Variants in MAGI2 observed in about 807,000 individuals in gnomAD.
The protein encoded by MAGI2 is membrane associated guanylate kinase, WW and PDZ domain containing 2.
A neutral mutation model predicts 133.3 loss-of-function variants in MAGI2; 35 were observed. That is an observed-to-expected ratio of 0.26 (90% confidence interval 0.20 to 0.35). MAGI2 has a LOEUF of 0.35. Ranked by LOEUF, MAGI2 falls within the 10% of genes least tolerant of loss-of-function variation. The probability of loss-of-function intolerance (pLI) is 1.00; values close to 1 mark genes in which losing one functional copy is unlikely to be tolerated. For synonymous variants in MAGI2, 729 were observed against 710.6 expected (o/e 1.03, Z -0.41); for missense variants, 1,636 against 1,863.4 (o/e 0.88, Z 2.25).
intron 2 of MAGI2, among the ~76,000 whole-genome samples, chr7:78,894,635 G>C (rs996530003): frequency 4.6e-5 from 7 of 152,006 alleles, no homozygotes; most frequent in Non-Finnish European, 1.0e-4. Flanking sequence ...AAATCCCCAA[G>C]AAACCAGTTT....
chr7:78,381,835 C>T (rs985552257), intron 6 of MAGI2, among the ~76,000 whole-genome samples: 4 of 152,126 alleles, frequency 2.6e-5, no homozygotes, highest in African/African-American at 7.2e-5. Context: ...CCCCTCATAC[C>T]TTACTGGTGG....
At chr7:78,674,586 T>C (rs1310512523) in intron 2 of MAGI2, among the ~76,000 whole-genome samples, 1 of 152,170 alleles carries the variant, frequency 6.6e-6, no homozygotes, top group East Asian at 1.9e-4. Context: ...ATTAAATCAA[T>C]GTGAATAAGA....
intron 6 of MAGI2, among the ~76,000 whole-genome samples, chr7:78,376,841 G>T (rs1342075377): frequency 1.3e-5 from 2 of 152,116 alleles, no homozygotes; most frequent in African/African-American, 4.8e-5. Flanking sequence ...CTTAGCAAGA[G>T]TCGTCCTTGG....
intron 2 of MAGI2, among the ~76,000 whole-genome samples, chr7:78,762,027 G>C (rs1323468396): frequency 6.6e-6 from 1 of 151,512 alleles, no homozygotes; most frequent in Non-Finnish European, 1.5e-5. Flanking sequence ...AAATTATTTA[G>C]CCCAATTTTC....
intron 7 of MAGI2, chr7:78,347,058 A>G (rs1430303685): frequency 6.6e-6 from 1 of 152,196 alleles, no homozygotes; most frequent in Admixed American, 6.5e-5. Context: ...AGATCGGATT[A>G]TTTGCTCTAA....
At chr7:78,458,817 G>C (rs1276418578) in intron 6 of MAGI2, among the ~76,000 whole-genome samples, 1 of 152,096 alleles carries the variant, frequency 6.6e-6, no homozygotes, top group Non-Finnish European at 1.5e-5. Flanking sequence ...TGTATTTTTA[G>C]TAGAGACGGT....
intron 2 of MAGI2, among the ~76,000 whole-genome samples, chr7:78,772,854 G>A (rs374644994): frequency 2.0e-5 from 3 of 152,266 alleles, no homozygotes; most frequent in Non-Finnish European, 2.9e-5. Flanking sequence ...GACCTAAAAT[G>A]TTATAGGAAA....
At chr7:79,411,081 A>T (rs1846107155) in intron 1 of MAGI2, 1 of 152,114 alleles carries the variant, frequency 6.6e-6, no homozygotes, top group Non-Finnish European at 1.5e-5. Flanking sequence ...GAAATATTGC[A>T]TTCGGCCCAC....
chr7:78,468,726 G>A (rs1207763997), intron 6 of MAGI2, among the ~76,000 whole-genome samples: 1 of 152,140 alleles, frequency 6.6e-6, no homozygotes, highest in Middle Eastern at 3.2e-3. Context: ...ACAATTGGGA[G>A]GTTAAAAGCA....
chr7:78,163,011 A>T (rs956041634), intron 15 of MAGI2, among the ~76,000 whole-genome samples: 4 of 152,228 alleles, frequency 2.6e-5, no homozygotes, highest in South Asian at 2.1e-4. Context: ...GTATTATATA[A>T]TTTTTTTAAA....
At chr7:78,544,334 A>G (rs978181246) in intron 3 of MAGI2, among the ~76,000 whole-genome samples, 4 of 152,244 alleles carry the variant, frequency 2.6e-5, no homozygotes, top group Non-Finnish European at 1.5e-5. Context: ...GACAGGAGTC[A>G]AGACATTGAC....
chr7:79,229,998 T>G (rs11977709), intron 1 of MAGI2, among the ~76,000 whole-genome samples: 79,782 of 133,264 alleles, frequency 0.6, 24,933 homozygotes, highest in Non-Finnish European at 0.69. Context: ...TGTGTCCATG[T>G]GATCTCATTG....
At chr7:79,129,147 G>A (rs1232212489) in intron 1 of MAGI2, among the ~76,000 whole-genome samples, 2 of 152,134 alleles carry the variant, frequency 1.3e-5, no homozygotes, top group Non-Finnish European at 2.9e-5. Flanking sequence ...GATTACAGGC[G>A]TGAGCCACCA....
chr7:79,092,515 C>T (rs1200088587), intron 1 of MAGI2, among the ~76,000 whole-genome samples: 1 of 152,086 alleles, frequency 6.6e-6, no homozygotes, highest in Non-Finnish European at 1.5e-5. Flanking sequence ...ATATCAACAA[C>T]AACAAAAGAC....
intron 2 of MAGI2, among the ~76,000 whole-genome samples, chr7:78,697,231 C>T (rs904975421): frequency 1.3e-5 from 2 of 152,050 alleles, no homozygotes; most frequent in African/African-American, 4.8e-5. Flanking sequence ...TGAGTTGATT[C>T]TCCGCAGTGT....
intron 2 of MAGI2, among the ~76,000 whole-genome samples, chr7:78,692,686 G>A (rs1360312111): frequency 6.6e-6 from 1 of 152,062 alleles, no homozygotes; most frequent in Admixed American, 6.6e-5. Context: ...ATCACATTGT[G>A]TCTCTTCAGT....
intron 9 of MAGI2, among the ~76,000 whole-genome samples, chr7:78,299,575 T>C (rs1161830505): frequency 6.6e-6 from 1 of 151,940 alleles, no homozygotes; most frequent in Non-Finnish European, 1.5e-5. Context: ...ATATGGGTGA[T>C]TTTTTTTGGG....
At chr7:78,560,607 G>A (rs1800305996) in intron 3 of MAGI2, among the ~76,000 whole-genome samples, 1 of 152,110 alleles carries the variant, frequency 6.6e-6, no homozygotes, top group South Asian at 2.1e-4. Context: ...AAAGACAGGT[G>A]TTACAGAAAT....
At chr7:78,878,598 T>G (rs889201346) in intron 2 of MAGI2, among the ~76,000 whole-genome samples, 5 of 152,242 alleles carry the variant, frequency 3.3e-5, no homozygotes, top group Non-Finnish European at 5.9e-5. Context: ...TTGTCATCCA[T>G]ATGTCTTTTA....
Sources: gnomAD v4.1 joint callset for allele counts (sites outside exome capture counted in the v4.1 genomes callset) on GRCh38, gnomAD v4.1.1 for gene constraint, MANE v1.5 for transcripts, NCBI Gene and HGNC (gene_info 2026-07-23, HGNC 2026-07-21) for gene names.